Variants in ARK2C observed in about 807,000 individuals in gnomAD.
The protein encoded by ARK2C is arkadia (RNF111) C-terminal like ring finger ubiquitin ligase 2C.
the ARK2C span, among the ~76,000 whole-genome samples, chr18:46,452,140 A>C: frequency 6.6e-6 from 1 of 152,226 alleles, no homozygotes; most frequent in Non-Finnish European, 1.5e-5. Flanking sequence ...CCTAATGTAA[A>C]TGAATGAACT....
the ARK2C span, among the ~76,000 whole-genome samples, chr18:46,453,642 T>C: frequency 6.6e-6 from 1 of 151,016 alleles, no homozygotes. Flanking sequence ...AAAAAGACAA[T>C]AAAGAAGAAA....
At chr18:46,407,418 C>T in the ARK2C span, among the ~76,000 whole-genome samples, 1 of 152,122 alleles carries the variant, frequency 6.6e-6, no homozygotes, top group African/African-American at 2.4e-5. Flanking sequence ...GACATATTGT[C>T]GTCATCATCA....
chr18:46,350,807 A>G, the ARK2C span, among the ~76,000 whole-genome samples: 1 of 152,232 alleles, frequency 6.6e-6, no homozygotes, highest in Admixed American at 6.5e-5. Context: ...AGGCACACTC[A>G]GTCTTATTTA....
At chr18:46,351,315 G>A in the ARK2C span, among the ~76,000 whole-genome samples, 3 of 152,216 alleles carry the variant, frequency 2.0e-5, no homozygotes, top group Non-Finnish European at 4.4e-5. Context: ...GCTGGGGGCA[G>A]GGATGGGCTG....
the ARK2C span, among the ~76,000 whole-genome samples, chr18:46,365,517 T>C: frequency 6.6e-6 from 1 of 152,168 alleles, no homozygotes; most frequent in Non-Finnish European, 1.5e-5. Flanking sequence ...TGTTGTTTTG[T>C]TTTTGAGACC....
chr18:46,373,116 T>A, the ARK2C span, among the ~76,000 whole-genome samples: 2 of 152,152 alleles, frequency 1.3e-5, no homozygotes, highest in Admixed American at 1.3e-4. Context: ...AATAGAGGGC[T>A]CTCTCATCCC....
At chr18:46,360,837 A>G in the ARK2C span, among the ~76,000 whole-genome samples, 2,632 of 152,334 alleles carry the variant, frequency 0.017, 88 homozygotes, top group African/African-American at 0.06. Flanking sequence ...AACACTGTTC[A>G]GCCTTGGGGT....
chr18:46,455,952 C>G, the ARK2C span: 3 of 1,514,970 alleles, frequency 2.0e-6, no homozygotes, highest in Admixed American at 3.4e-5. Flanking sequence ...GTAATGAATA[C>G]TACTCTCTCT....
chr18:46,358,124 G>A, the ARK2C span, among the ~76,000 whole-genome samples: 1 of 152,200 alleles, frequency 6.6e-6, no homozygotes, highest in African/African-American at 2.4e-5. Context: ...CTGGGGATTA[G>A]GACATCAACC....
chr18:46,461,172 A>G, the ARK2C span: 1 of 152,280 alleles, frequency 6.6e-6, no homozygotes. Flanking sequence ...AATCTGCTCC[A>G]TGACAGACGT....
the ARK2C span, among the ~76,000 whole-genome samples, chr18:46,370,017 C>A: frequency 1.3e-5 from 2 of 152,144 alleles, no homozygotes; most frequent in African/African-American, 4.8e-5. Flanking sequence ...ACTCTGGGGG[C>A]CATAACAGCT....
chr18:46,435,340 C>T, the ARK2C span: 7 of 1,614,030 alleles, frequency 4.3e-6, no homozygotes, highest in South Asian at 6.6e-5. Flanking sequence ...ATCCCAGCTT[C>T]GACTTCGGCC....
chr18:46,448,732 T>C, the ARK2C span, among the ~76,000 whole-genome samples: 1 of 152,204 alleles, frequency 6.6e-6, no homozygotes, highest in Non-Finnish European at 1.5e-5. Context: ...TGCCGAATCA[T>C]GGGTCAGGCT....
chr18:46,386,207 G>A, the ARK2C span: 12,430 of 152,296 alleles, frequency 0.082, 686 homozygotes, highest in Non-Finnish European at 0.12. Flanking sequence ...TTACACTGGC[G>A]AGGGAGCTGA....
At chr18:46,424,600 C>T in the ARK2C span, among the ~76,000 whole-genome samples, 938 of 152,270 alleles carry the variant, frequency 6.2e-3, 7 homozygotes, top group African/African-American at 0.021. Flanking sequence ...ATCTTCCTGG[C>T]GCTTTCTACT....
chr18:46,348,153 G>A, the ARK2C span, among the ~76,000 whole-genome samples: 4 of 151,296 alleles, frequency 2.6e-5, no homozygotes, highest in East Asian at 7.8e-4. Flanking sequence ...GCCTGGGGGA[G>A]CTGATGCCTG....
chr18:46,452,987 C>T, the ARK2C span, among the ~76,000 whole-genome samples: 1,234 of 152,280 alleles, frequency 8.1e-3, 18 homozygotes, highest in African/African-American at 0.029. Flanking sequence ...GGATGATGCA[C>T]TTGAACAGCT....
chr18:46,401,517 G>T, the ARK2C span, among the ~76,000 whole-genome samples: 2 of 152,200 alleles, frequency 1.3e-5, no homozygotes. Context: ...GAGACGTGAA[G>T]TGATTTGCCC....
chr18:46,426,240 C>T, the ARK2C span, among the ~76,000 whole-genome samples: 2 of 152,186 alleles, frequency 1.3e-5, no homozygotes, highest in South Asian at 2.1e-4. Flanking sequence ...TCAGGAAACA[C>T]CTTGCTTCAA....
Sources: gnomAD v4.1 joint callset for allele counts (sites outside exome capture counted in the v4.1 genomes callset) on GRCh38, gnomAD v4.1.1 for gene constraint, MANE v1.5 for transcripts, NCBI Gene and HGNC (gene_info 2026-07-23, HGNC 2026-07-21) for gene names.